Variants in SCN3A observed in about 807,000 individuals in gnomAD.
SCN3A encodes the protein sodium voltage-gated channel alpha subunit 3.
Under a neutral mutation model 187.6 loss-of-function variants are expected in SCN3A, and 60 were observed. The observed-to-expected ratio is 0.32, with a 90% CI of 0.26 to 0.40. The LOEUF (loss-of-function observed/expected upper bound fraction) is 0.40. Among genes scored for constraint, SCN3A ranks in the 10% least tolerant of loss-of-function variants. SCN3A has a pLI of 1.00. For synonymous variants in SCN3A, 788 were observed against 829.2 expected (o/e 0.95, Z 0.85); for missense variants, 1,601 against 2,428.2 (o/e 0.66, Z 7.16).
intron 18 of SCN3A, among the ~76,000 whole-genome samples, chr2:165,121,090 A>G (rs529293362): frequency 5.9e-5 from 9 of 151,962 alleles, no homozygotes; most frequent in Non-Finnish European, 5.9e-5. Flanking sequence ...GCAGAAGTAC[A>G]CTAAAGCACC....
At chr2:165,121,457 T>C (rs1686672167) in intron 18 of SCN3A, among the ~76,000 whole-genome samples, 1 of 152,238 alleles carries the variant, frequency 6.6e-6, no homozygotes, top group African/African-American at 2.4e-5. Context: ...AAATCAGATT[T>C]TCTTCAATGA....
intron 17 of SCN3A, among the ~76,000 whole-genome samples, chr2:165,129,215 A>G (rs1687171540): frequency 6.6e-6 from 1 of 152,240 alleles, no homozygotes; most frequent in Non-Finnish European, 1.5e-5. Flanking sequence ...TTGCCCACGC[A>G]TGACTGAGAA....
chr2:165,091,358 T>C lies in SCN3A; in HGVS notation c.4808-13A>G. 1.9e-6 allele frequency: 3 copies of C among 1,613,718 alleles called. No homozygotes were observed. Among genetic ancestry groups the C allele is most frequent in the Non-Finnish European group, 2.5e-6 (3 of 1,179,704 alleles). On this transcript the variant is annotated splice_polypyrimidine_tract_variant and intron_variant, in intron 27 of 27. Transcript: ENST00000283254. Reference sequence around the variant, plus strand: ...GCCAGAAACATACCTATGGAAAACATAGAACACAGCTAAACAGATAATATC... The same window carrying C: ...GCCAGAAACATACCTATGGAAAACACAGAACACAGCTAAACAGATAATATC...
intron 5 of SCN3A, among the ~76,000 whole-genome samples, chr2:165,166,648 T>C (rs1314809167): frequency 1.3e-5 from 2 of 152,204 alleles, no homozygotes; most frequent in African/African-American, 4.8e-5. Flanking sequence ...ACTTCAGTTT[T>C]CATCTCAGAA....
chr2:165,115,166 G>C (rs1686302082), intron 19 of SCN3A, among the ~76,000 whole-genome samples: 1 of 152,000 alleles, frequency 6.6e-6, no homozygotes, highest in South Asian at 2.1e-4. Context: ...CTAAGATACA[G>C]CTGTGGCTGA....
At chr2:165,125,394 A>C (rs1355546331) in intron 18 of SCN3A, among the ~76,000 whole-genome samples, 1 of 151,776 alleles carries the variant, frequency 6.6e-6, no homozygotes, top group African/African-American at 2.4e-5. Context: ...AGCTCCGCCT[A>C]CCGGGTTCAC....
At chr2:165,151,932 G>A (rs1244155367) in intron 11 of SCN3A, among the ~76,000 whole-genome samples, 2 of 152,110 alleles carry the variant, frequency 1.3e-5, no homozygotes, top group Admixed American at 1.3e-4. Flanking sequence ...TAGAGTATTA[G>A]GAAGGGTCTT....
At position 165,127,658 on chromosome 2, in the gene SCN3A, A is replaced by G. The variant is rs1223252596; in HGVS notation, c.3366T>C (p.Ser1122=). ...FENLNTEEFS[S]ESELEESKEK... ...CTTTGCTTTCTTCTAGTTCTGACTC[A>G]CTGCTGAACTCTTCAGTATTTAAGT... is the stretch of plus-strand genomic sequence containing the variant. The change falls in exon 18 of 28, where the codon AGT becomes AGC. Residue 1122 remains serine (S), a synonymous_variant. Coordinates refer to ENST00000283254, the MANE Select transcript of SCN3A (RefSeq NM_006922.4). 1 of 1,614,040 alleles carries G rather than the reference A, an allele frequency of 6.2e-7. No individual in the cohort carries two copies. Among genetic ancestry groups the G allele is most frequent in the East Asian group, 2.2e-5 (1 of 44,870 alleles).
intron 21 of SCN3A, among the ~76,000 whole-genome samples, chr2:165,105,831 T>C (rs1211722401): frequency 6.6e-6 from 1 of 151,902 alleles, no homozygotes; most frequent in Non-Finnish European, 1.5e-5. Flanking sequence ...ACCACTGCAC[T>C]CCATCCTGGG....
chr2:165,102,189 C>A (rs1685638424), intron 21 of SCN3A, among the ~76,000 whole-genome samples: 1 of 152,180 alleles, frequency 6.6e-6, no homozygotes, highest in African/African-American at 2.4e-5. Context: ...TTTCTCAAGA[C>A]CTTGAAGTAA....
At position 165,176,444 on chromosome 2, in the gene SCN3A, C is replaced by A. The variant is rs754657859; in HGVS notation, c.-50G>T. On this transcript the variant is annotated splice_region_variant and 5_prime_UTR_variant, in exon 3 of 28. Transcript: ENST00000283254. The stretch of plus-strand genomic sequence containing the variant: ...CGTGTAGCTTCTTGCATACGAATTA[C>A]CTGCAATAAAAGAAAAATTGCACAA... 6.2e-7 allele frequency: 1 copy of A among 1,611,422 alleles called. No homozygotes were observed. Among genetic ancestry groups the A allele is most frequent in the Non-Finnish European group, 8.5e-7 (1 of 1,178,584 alleles).
rs543741907 is a variant in SCN3A at position 165,142,495 on chromosome 2, G to T, written c.1672-1497C>A. 4.9e-4 allele frequency among the ~76,000 whole-genome samples: 74 copies of T among 152,158 alleles called. 1 individual carries two copies. Among genetic ancestry groups the T allele is most frequent in the Middle Eastern group, 6.8e-3 (2 of 294 alleles). ...GGTTAGATTCTCCACAGGAACTATT[G>T]GCTGTCCAGCTTGTCCATCGGAGGC... On this transcript the variant is annotated intron_variant, in intron 12 of 27. Coordinates refer to ENST00000283254, the MANE Select transcript of SCN3A (RefSeq NM_006922.4).
intron 9 of SCN3A, among the ~76,000 whole-genome samples, chr2:165,157,991 GC>G (rs1689164910): frequency 6.6e-6 from 1 of 151,826 alleles, no homozygotes. Flanking sequence ...TATAATTTCT[GC>G]CGCAGTCCTA....
chr2:165,126,161 G>T (rs1386581051), intron 18 of SCN3A, among the ~76,000 whole-genome samples: 1 of 152,138 alleles, frequency 6.6e-6, no homozygotes, highest in Admixed American at 6.5e-5. Flanking sequence ...GGTTCCCACT[G>T]TGTCAACATT....
chr2:165,101,746 G>C (rs1448664883), intron 21 of SCN3A, among the ~76,000 whole-genome samples: 1 of 152,190 alleles, frequency 6.6e-6, no homozygotes, highest in African/African-American at 2.4e-5. Context: ...ATGGATTTAA[G>C]TGAATCCTCC....
At chr2:165,138,234 ATTAC>A in intron 14 of SCN3A, 117 bp from the exon 15 acceptor site, 3 of 754,324 alleles carry the variant, frequency 4.0e-6, no homozygotes, top group Non-Finnish European at 6.9e-6. Context: ...AGAAGTTCAT[ATTAC>A]TTAAGAAACT....
rs568402780 is a variant in SCN3A at position 165,132,885 on chromosome 2, G to C, written c.2392-1468C>G. On this transcript the variant is annotated intron_variant, in intron 15 of 27. Transcript: ENST00000283254. Reference sequence around the variant, plus strand: ...GGAAATTTTCGCAACCTACTCATCTGACAAAGGGCTAATATCCAGAATCTA... The same window carrying C: ...GGAAATTTTCGCAACCTACTCATCTCACAAAGGGCTAATATCCAGAATCTA... 4.6e-5 allele frequency among the ~76,000 whole-genome samples: 7 copies of C among 152,192 alleles called. No homozygotes were observed. The South Asian group carries it at 1.2e-3, about 27-fold the overall frequency.
intron 18 of SCN3A, among the ~76,000 whole-genome samples, chr2:165,116,347 A>C (rs79108141): frequency 0.011 from 1,681 of 152,292 alleles, 26 homozygotes; most frequent in African/African-American, 0.032. Context: ...TCCTTTAACT[A>C]AATCATTGTG....
At chr2:165,198,550 T>G (rs1298059377) in intron 1 of SCN3A, among the ~76,000 whole-genome samples, 6 of 152,108 alleles carry the variant, frequency 3.9e-5, no homozygotes, top group African/African-American at 1.2e-4. Context: ...AGGGAAATAT[T>G]TACTAACAAT....
Sources: allele counts gnomAD v4.1 joint callset (sites outside exome capture counted in the v4.1 genomes callset), GRCh38; gene constraint gnomAD v4.1.1; transcripts MANE v1.5; gene names NCBI Gene and HGNC (gene_info 2026-07-23, HGNC 2026-07-21).